Variants in MICU1 observed in about 807,000 individuals in gnomAD.
The protein encoded by MICU1 is calcium uptake protein 1, mitochondrial.
A neutral mutation model predicts 56.8 loss-of-function variants in MICU1; 45 were observed. That is an observed-to-expected ratio of 0.79 (90% CI 0.62 to 1.02). MICU1 has a LOEUF of 1.02. MICU1 is among the 50% of genes least tolerant of loss of function. MICU1 has a pLI of 0.00. For missense variants in MICU1, 504 were observed against 587.1 expected (o/e 0.86, Z 1.46); for synonymous variants, 186 against 195.1 (o/e 0.95, Z 0.39).
chr10:72,560,011 T>G (rs1263379386), intron 3 of MICU1, among the ~76,000 whole-genome samples: 1 of 152,154 alleles, frequency 6.6e-6, no homozygotes, highest in Admixed American at 6.5e-5. Context: ...CCCCTCCCAC[T>G]CTGGTCTGCA....
chr10:72,392,690 C>T (rs553006384), intron 10 of MICU1, among the ~76,000 whole-genome samples: 2 of 152,242 alleles, frequency 1.3e-5, no homozygotes, highest in Non-Finnish European at 2.9e-5. Context: ...AACTTCTGCT[C>T]TTAACCATTA....
chr10:72,611,308 A>G (rs1281283922), intron 1 of MICU1, among the ~76,000 whole-genome samples: 7 of 147,568 alleles, frequency 4.7e-5, no homozygotes, highest in Non-Finnish European at 1.0e-4. Flanking sequence ...CTTTAAAAAA[A>G]AAAAAAGAAA....
At chr10:72,578,200 T>A (rs142660172) in intron 1 of MICU1, among the ~76,000 whole-genome samples, 115 of 152,272 alleles carry the variant, frequency 7.6e-4, no homozygotes, top group African/African-American at 2.7e-3. Context: ...CAAGACCCTC[T>A]ATCAGCAAAA....
chr10:72,551,841 G>T (rs1449660512), intron 3 of MICU1, among the ~76,000 whole-genome samples: 1 of 151,900 alleles, frequency 6.6e-6, no homozygotes, highest in Non-Finnish European at 1.5e-5. Flanking sequence ...TCACCACATT[G>T]TCCAGGCTGG....
chr10:72,583,673 A>C (rs1840967517), intron 1 of MICU1, among the ~76,000 whole-genome samples: 1 of 152,244 alleles, frequency 6.6e-6, no homozygotes, highest in African/African-American at 2.4e-5. Context: ...CTAGAAATAC[A>C]ATGTGTACTG....
At chr10:72,372,828 G>A (rs77106133) in intron 11 of MICU1, among the ~76,000 whole-genome samples, 3,503 of 151,346 alleles carry the variant, frequency 0.023, 127 homozygotes, top group East Asian at 0.1. Flanking sequence ...GGCAACAAGA[G>A]CTTGACCCCA....
rs867476446 is a variant in MICU1, at chr10:72,512,100, G to T, written c.538-3831C>A. ...ATCAATCTGGCATCCATACACAGTT[G>T]TTTTTTGTTTTTTTTTTTTTTTTTT... is the stretch of plus-strand genomic sequence containing the variant. On this transcript the variant is annotated intron_variant, in intron 5 of 11. Transcript: ENST00000361114. Among the ~76,000 whole-genome samples the T allele has an allele frequency of 3.9e-3, 324 of 82,340 alleles. 7 individuals carry two copies. Among genetic ancestry groups the T allele is most frequent in the African/African-American group, 0.015 (266 of 17,254 alleles). The allele number at this position is 82,340 out of a possible 152,430, so 54.0% of individuals were successfully genotyped here.
intron 1 of MICU1, among the ~76,000 whole-genome samples, chr10:72,615,312 T>C (rs1841950469): frequency 6.6e-6 from 1 of 152,112 alleles, no homozygotes; most frequent in Non-Finnish European, 1.5e-5. Context: ...CAGACAGGGT[T>C]TCACCACTTT....
At chr10:72,403,216 C>T (rs1863514988) in intron 10 of MICU1, among the ~76,000 whole-genome samples, 4 of 151,724 alleles carry the variant, frequency 2.6e-5, no homozygotes, top group South Asian at 4.2e-4. Context: ...CACCATTAGC[C>T]GGGTGTGGTG....
chr10:72,407,736 C>G (rs1458976757), intron 10 of MICU1, among the ~76,000 whole-genome samples, 193 bp downstream of exon 10: 1 of 152,104 alleles, frequency 6.6e-6, no homozygotes, highest in African/African-American at 2.4e-5. Context: ...ACGGCCTTAG[C>G]ACAAGAAAAT....
At chr10:72,370,815 A>C (rs1417989692) in intron 11 of MICU1, among the ~76,000 whole-genome samples, 2 of 150,024 alleles carry the variant, frequency 1.3e-5, no homozygotes, top group Non-Finnish European at 3.0e-5. Context: ...CAGATTGCTT[A>C]AGGCCCGGAG....
chr10:72,514,380 T>C (rs1867581387), intron 5 of MICU1, among the ~76,000 whole-genome samples: 1 of 152,122 alleles, frequency 6.6e-6, no homozygotes, highest in Admixed American at 6.6e-5. Flanking sequence ...TAATTTATTG[T>C]TTCTATGTAT....
At chr10:72,610,634 C>T (rs1841818809) in intron 1 of MICU1, among the ~76,000 whole-genome samples, 1 of 152,152 alleles carries the variant, frequency 6.6e-6, no homozygotes, top group Non-Finnish European at 1.5e-5. Context: ...GTTGTGTGGC[C>T]TTCAGCAGAG....
At chr10:72,508,383 A>G (rs1266584739) in intron 5 of MICU1, 114 bp from the exon 6 acceptor site, 1 of 450,036 alleles carries the variant, frequency 2.2e-6, no homozygotes, top group East Asian at 3.2e-5. Flanking sequence ...TATCATAAGC[A>G]TTTCTCTCAT....
At chr10:72,469,291 A>C (rs764143936) in intron 8 of MICU1, among the ~76,000 whole-genome samples, 52 of 152,352 alleles carry the variant, frequency 3.4e-4, no homozygotes, top group Admixed American at 8.5e-4. Context: ...ATGGAACAAT[A>C]AATCTCCTGG....
At chr10:72,475,074 A>G (rs1317367821) in intron 8 of MICU1, 26 bp downstream of exon 8, 1 of 1,588,026 alleles carries the variant, frequency 6.3e-7, no homozygotes, top group Non-Finnish European at 8.6e-7. Flanking sequence ...CATGTGATGG[A>G]TCTACTGAGT....
intron 6 of MICU1, among the ~76,000 whole-genome samples, chr10:72,503,895 CACACAT>C (rs1432797897): frequency 3.3e-5 from 5 of 149,808 alleles, no homozygotes; most frequent in South Asian, 2.1e-4. Context: ...CACACACACA[CACACAT>C]ACACCCTAGG....
intron 9 of MICU1, among the ~76,000 whole-genome samples, chr10:72,412,246 T>C (rs28620065): frequency 0.027 from 4,149 of 152,298 alleles, 180 homozygotes; most frequent in African/African-American, 0.096. Context: ...GATATACTTA[T>C]TGCAAATTGA....
At chr10:72,507,643 T>A (rs916096765) in intron 6 of MICU1, among the ~76,000 whole-genome samples, 1 of 152,198 alleles carries the variant, frequency 6.6e-6, no homozygotes, top group Non-Finnish European at 1.5e-5. Flanking sequence ...ACTTCTTAGT[T>A]TTTTTGCTGC....
Sources: gnomAD v4.1 joint callset for allele counts (sites outside exome capture counted in the v4.1 genomes callset) on GRCh38, gnomAD v4.1.1 for gene constraint, MANE v1.5 for transcripts, NCBI Gene and HGNC (gene_info 2026-07-23, HGNC 2026-07-21) for gene names.